The following PARN variants were observed in gnomAD, a reference collection of about 807,000 sequenced individuals.
PARN encodes poly(A)-specific ribonuclease.
In PARN, 71 loss-of-function variants were observed where a neutral mutation model predicts 102.8. The ratio of observed to expected loss-of-function variants is 0.69; its 90% CI spans 0.57 to 0.84. The LOEUF (loss-of-function observed/expected upper bound fraction) is 0.84, where lower values mean the gene tolerates loss of function less well. Ranked by LOEUF, PARN falls within the 40% of genes least tolerant of loss-of-function variation. The pLI is 0.00. For synonymous variants in PARN, 261 were observed against 252.9 expected (o/e 1.03, Z -0.30); for missense variants, 782 against 760.9 (o/e 1.03, Z -0.33).
At chr16:14,439,400 A>G (rs1049349169) in intron 23 of PARN, among the ~76,000 whole-genome samples, 24 of 65,096 alleles carry the variant, frequency 3.7e-4, no homozygotes, top group South Asian at 5.2e-4. Context: ...AAATAGAGGG[A>G]GGGAGGGAAG....
intron 18 of PARN, among the ~76,000 whole-genome samples, chr16:14,564,719 C>G (rs1424602246): frequency 6.6e-6 from 1 of 152,112 alleles, no homozygotes; most frequent in Non-Finnish European, 1.5e-5. Flanking sequence ...CTCTTCCTAG[C>G]AAAAGGAAAA....
chr16:14,520,677 T>C (rs1175587347), intron 21 of PARN, among the ~76,000 whole-genome samples: 1 of 150,532 alleles, frequency 6.6e-6, no homozygotes, highest in Non-Finnish European at 1.5e-5. Flanking sequence ...CCAGACTGGG[T>C]GATGGGAGTG....
At chr16:14,538,219 CTTTTTTTTTT>C in intron 21 of PARN, among the ~76,000 whole-genome samples, 1 of 131,844 alleles carries the variant, frequency 7.6e-6, no homozygotes, top group Admixed American at 7.6e-5. Context: ...ATATTTTTCA[CTTTTTTTTTT>C]TTTTTTTTTG....
chr16:14,462,253 T>A (rs149195629), intron 22 of PARN, among the ~76,000 whole-genome samples: 31 of 151,722 alleles, frequency 2.0e-4, no homozygotes, highest in African/African-American at 6.5e-4. Context: ...GAAATTAAAA[T>A]AGGAGTTGAA....
chr16:14,602,159 TG>T (rs1477563782), intron 11 of PARN: 1 of 152,022 alleles, frequency 6.6e-6, no homozygotes, highest in Non-Finnish European at 1.5e-5. Context: ...AAAAAACTAC[TG>T]CCAGGGCTGA....
chr16:14,617,548 G>T, intron 6 of PARN, 42 bp downstream of exon 6: 1 of 943,326 alleles, frequency 1.1e-6, no homozygotes, highest in Non-Finnish European at 1.8e-6. Flanking sequence ...AGGATATTTT[G>T]AAGGTTTATA....
At chr16:14,510,049 G>A (rs1393474116) in intron 21 of PARN, among the ~76,000 whole-genome samples, 1 of 152,192 alleles carries the variant, frequency 6.6e-6, no homozygotes, top group Non-Finnish European at 1.5e-5. Context: ...ACAACTGGTA[G>A]GATGTTCCCG....
chr16:14,615,482 A>G (rs2151804647), intron 6 of PARN, among the ~76,000 whole-genome samples: 1 of 152,278 alleles, frequency 6.6e-6, no homozygotes, highest in Non-Finnish European at 1.5e-5. Context: ...TATAATACCC[A>G]AACTGTATTG....
chr16:14,613,862 C>A lies in PARN; in HGVS notation c.389-3053G>T, dbSNP rs376111328. ...ACATAGAGGAGAAGCGGGAAGGCAA[C>A]AGATAGTGAAAAAGCAATGGAAGTC... On this transcript the variant is annotated intron_variant, in intron 6 of 23. Coordinates refer to ENST00000437198, the MANE Select transcript of PARN (RefSeq NM_002582.4). Among the ~76,000 whole-genome samples the A allele has an allele frequency of 5.3e-5, 8 of 152,174 alleles. No homozygotes were observed. In the South Asian group the frequency reaches 1.5e-3, roughly 28 times the overall value.
At chr16:14,530,554 A>AG (rs1289681553) in intron 21 of PARN, among the ~76,000 whole-genome samples, 4 of 151,782 alleles carry the variant, frequency 2.6e-5, no homozygotes, top group African/African-American at 4.9e-5. Context: ...TAAAAAAAAA[A>AG]AACTATATTA....
At chr16:14,450,233 T>G (rs1961390416) in intron 22 of PARN, among the ~76,000 whole-genome samples, 2 of 152,228 alleles carry the variant, frequency 1.3e-5, no homozygotes, top group Admixed American at 6.5e-5. Flanking sequence ...GAAGCTGGTA[T>G]GCCCAATCTT....
At chr16:14,611,825 G>A (rs1282762424) in intron 6 of PARN, among the ~76,000 whole-genome samples, 1 of 152,132 alleles carries the variant, frequency 6.6e-6, no homozygotes, top group Non-Finnish European at 1.5e-5. Context: ...GGGAGCCACG[G>A]CCACCGCGCA....
intron 5 of PARN, among the ~76,000 whole-genome samples, chr16:14,621,818 A>C (rs1972321035): frequency 6.6e-6 from 1 of 151,850 alleles, no homozygotes; most frequent in Admixed American, 6.6e-5. Context: ...AAAAAAAAAA[A>C]AAAAACCTTT....
At chr16:14,533,581 G>A (rs916542129) in intron 21 of PARN, among the ~76,000 whole-genome samples, 3 of 152,036 alleles carry the variant, frequency 2.0e-5, no homozygotes, top group African/African-American at 4.8e-5. Context: ...TCCACTCCAC[G>A]TGCCCTCTGT....
At chr16:14,558,038 T>C (rs886716479) in intron 18 of PARN, among the ~76,000 whole-genome samples, 2 of 152,232 alleles carry the variant, frequency 1.3e-5, no homozygotes, top group Non-Finnish European at 2.9e-5. Context: ...ATAACTCTTG[T>C]TATTGTTAGT....
At chr16:14,439,853 A>AAAAGT (rs1960871145) in intron 23 of PARN, among the ~76,000 whole-genome samples, 2 of 152,180 alleles carry the variant, frequency 1.3e-5, no homozygotes, top group Admixed American at 1.3e-4. Context: ...TCTCTACTAA[A>AAAAGT]AAAGTACAAA....
At chr16:14,614,874 A>G (rs548622014) in intron 6 of PARN, among the ~76,000 whole-genome samples, 26 of 147,168 alleles carry the variant, frequency 1.8e-4, no homozygotes, top group East Asian at 9.7e-4. Context: ...AAAAAAAAAA[A>G]AAAAGAAAAG....
intron 22 of PARN, among the ~76,000 whole-genome samples, chr16:14,472,766 A>G (rs914484099): frequency 1.7e-4 from 26 of 152,234 alleles, no homozygotes; most frequent in Admixed American, 1.6e-3. Context: ...TAAGAAAATT[A>G]CTTCCCTCAA....
At chr16:14,474,958 T>C in intron 22 of PARN, among the ~76,000 whole-genome samples, 1 of 152,246 alleles carries the variant, frequency 6.6e-6, no homozygotes, top group Admixed American at 6.5e-5. Flanking sequence ...ATTCAGTTAC[T>C]TTCAGAAACC....
Sources: gnomAD v4.1 joint callset for allele counts (sites outside exome capture counted in the v4.1 genomes callset) on GRCh38, gnomAD v4.1.1 for gene constraint, MANE v1.5 for transcripts, NCBI Gene and HGNC (gene_info 2026-07-23, HGNC 2026-07-21) for gene names.